MUC4: variants seen among roughly 807,000 people sequenced by gnomAD.
MUC4 encodes mucin-4.
A neutral mutation model predicts 257.9 loss-of-function variants in MUC4; 202 were observed. The observed-to-expected ratio is 0.78, with a 90% CI of 0.70 to 0.88. MUC4 has a LOEUF of 0.88. Among genes scored for constraint, MUC4 ranks in the 40% least tolerant of loss-of-function variants. The probability of loss-of-function intolerance (pLI) is 0.00; values close to 1 mark genes in which losing one functional copy is unlikely to be tolerated. For synonymous variants in MUC4, 2,351 were observed against 2,757.1 expected, an observed-to-expected ratio of 0.85 and a Z score of 4.62; for missense variants, 5,976 against 6,513.7, an observed-to-expected ratio of 0.92 and a Z score of 2.84.
Position 195,766,708 on chromosome 3 carries a change from C to T in MUC4, c.13573G>A (p.Val4525Met). ...FENSPLMSQPVWERYRPDRFL... is the reference protein window; with the variant it reads ...FENSPLMSQPMWERYRPDRFL... ...CTATCAGGGCGATACCTCTCCCACACTGGCTGGGACATCAGTGGGCTGTTT... is the reference window on the plus strand; with the variant it reads ...CTATCAGGGCGATACCTCTCCCACATTGGCTGGGACATCAGTGGGCTGTTT... The change falls in exon 8 of 25, where the codon GTG becomes ATG. Residue 4525 changes from valine to methionine, a missense_variant. Val to Met is a conservative substitution (Grantham distance 21). Around this residue, in one of 44 missense-constraint regions of MUC4, gnomAD observed 996 missense variants for 1,137.3 expected, o/e 0.88. Coordinates refer to ENST00000463781, the MANE Select transcript of MUC4 (RefSeq NM_018406.7). 1.2e-6 allele frequency: 2 copies of T among 1,614,206 alleles called. No homozygotes were observed. Among genetic ancestry groups the T allele is most frequent in the East Asian group, 2.2e-5 (1 of 44,884 alleles).
Position 195,788,125 on chromosome 3 carries a change from G to T in MUC4, c.3455C>A (p.Pro1152His). ...TSSVSTGHTT[P>H]LHVTDASSAS... is the part of the protein sequence containing the mutation. ...TGAGGAAGCATCAGTGACATGAAGA[G>T]GGGTGGTGTGACCTGTGGATACTGA... Residue 1152 changes from proline to histidine, a missense_variant, in exon 2 of 25, where the codon CCT (proline) becomes CAT (histidine). By Grantham distance (77) the Pro-to-His change is moderately conservative. Around this residue, in one of 44 missense-constraint regions of MUC4, gnomAD observed 90 missense variants for 106.2 expected, o/e 0.85. Coordinates refer to ENST00000463781, the MANE Select transcript of MUC4 (RefSeq NM_018406.7). The T allele has an allele frequency of 6.7e-7, 1 of 1,498,696 alleles. No individual in the cohort carries two copies. The highest frequency in any genetic ancestry group is 8.9e-7 in the Non-Finnish European group (1 of 1,118,006). The allele number at this position is 1,498,696 out of a possible 1,614,324, so 92.8% of individuals were successfully genotyped here.
At position 195,757,916 on chromosome 3, in the gene MUC4, C is replaced by T. The variant is rs1486697533; in HGVS notation, c.14987-588G>A. ...ACAGAGAATAGACGAACGTAATTTC[C>T]AGACCATCGTCCTTCAGGGGTGGGG... On this transcript the variant is annotated intron_variant, in intron 17 of 24. Coordinates refer to ENST00000463781, the MANE Select transcript of MUC4 (RefSeq NM_018406.7). This position sits in a 1 kb window ranked among gnomAD's most constrained non-coding sequence, Gnocchi z 4.8. Among the ~76,000 whole-genome samples the T allele has an allele frequency of 3.3e-5, 5 of 152,186 alleles. No individual in the cohort carries two copies. In the East Asian group the frequency reaches 7.7e-4, roughly 23 times the overall value.
intron 22 of MUC4, 22 bp downstream of exon 22, chr3:195,751,176 TGGGGGCTTA>T: frequency 6.7e-7 from 1 of 1,498,288 alleles, no homozygotes; most frequent in Non-Finnish European, 9.0e-7. Flanking sequence ...GGAAGAGATC[TGGGGGCTTA>T]GGGGGACACA....
intron 1 of MUC4, among the ~76,000 whole-genome samples, chr3:195,807,142 G>A (rs3096336): frequency 0.54 from 82,794 of 152,040 alleles, 23,681 homozygotes; most frequent in East Asian, 0.76. Context: ...CTTCTTCAGA[G>A]TCTCCAGGAA....
chr3:195,792,061 C>G (rs1396060190), intron 1 of MUC4, among the ~76,000 whole-genome samples: 2 of 152,186 alleles, frequency 1.3e-5, no homozygotes, highest in Admixed American at 6.5e-5. Flanking sequence ...CAATACCATT[C>G]AGGACATAGA....
At position 195,757,259 on chromosome 3, in the gene MUC4, G is replaced by A. The variant is rs1233001655; in HGVS notation, c.15056C>T (p.Ala5019Val). The A allele has an allele frequency of 6.2e-7, 1 of 1,613,350 alleles. No individual in the cohort carries two copies. Among genetic ancestry groups the A allele is most frequent in the Non-Finnish European group, 8.5e-7 (1 of 1,179,422 alleles). Residue 5019 changes from alanine to valine, a missense_variant, in exon 18 of 25, where the codon GCC becomes GTC. This residue lies in a region of MUC4 where 996 missense variants were observed against 1,137.3 expected (regional missense o/e 0.88). Transcript: ENST00000463781. This position sits in a 1 kb window ranked among gnomAD's most constrained non-coding sequence, Gnocchi z 4.8. ...GAGTGCAGATGCCAAGCCAATCTTG[G>A]CACTTCTTGCTAGAATCTCCAGAGT... ...PFTLEILARS[A>V]KIGLASALQP...
chr3:195,764,845 G>T, intron 10 of MUC4, 152 bp downstream of exon 10: 1 of 1,128,752 alleles, frequency 8.9e-7, no homozygotes. Context: ...ATGTCCGCTG[G>T]TGGGGATGTT....
chr3:195,772,475 G>C (rs1166258076), intron 4 of MUC4, among the ~76,000 whole-genome samples: 1 of 130,934 alleles, frequency 7.6e-6, no homozygotes, highest in African/African-American at 3.1e-5. Flanking sequence ...TCTCTCCATC[G>C]CTCAGGGGTG....
In MUC4 at chr3:195,786,220, G is replaced by T; in HGVS notation, c.5360C>A (p.Thr1787Lys). The T allele has an allele frequency of 1.4e-6, 2 of 1,478,770 alleles. No homozygotes were observed. Among genetic ancestry groups the T allele is most frequent in the Non-Finnish European group, 1.8e-6 (2 of 1,098,322 alleles). 91.6% of individuals were successfully genotyped at this position (1,478,770 alleles called of 1,614,324 possible). A position where few individuals can be genotyped will look rare whatever the true frequency, so the allele number is the denominator to read the frequency against. ...GACAGGAAGACGGGTGGTGTCATCT[G>T]TGGAAGCTGAAGAAAGGCCGGTGAC... Reference protein sequence around the residue: ...LPVTGLSSASTDDTTRLPVTD... With the variant: ...LPVTGLSSASKDDTTRLPVTD... The change falls in exon 2 of 25, where the codon ACA becomes AAA. Residue 1787 changes from threonine to lysine, a missense_variant. Thr to Lys is a moderately conservative substitution (Grantham distance 78). Around this residue, in one of 44 missense-constraint regions of MUC4, gnomAD observed 19 missense variants for 31.6 expected, o/e 0.60. Transcript: ENST00000463781.
chr3:195,811,611 G>T, intron 1 of MUC4, 125 bp downstream of exon 1: 42 of 704,154 alleles, frequency 6.0e-5, no homozygotes, highest in South Asian at 2.4e-4. Context: ...CTTCCTCTTC[G>T]CTGTCTCCCT....
intron 13 of MUC4, 106 bp downstream of exon 13, chr3:195,762,749 C>T: frequency 9.2e-7 from 1 of 1,083,564 alleles, no homozygotes; most frequent in Non-Finnish European, 1.2e-6. Context: ...CCACAACGCA[C>T]CCGGCCCTGC....
At chr3:195,775,544 GTCATACCTTCCACACCCATACCTTCCACA>G (rs1560284165) in intron 3 of MUC4, among the ~76,000 whole-genome samples, 4 of 40,774 alleles carry the variant, frequency 9.8e-5, no homozygotes, top group African/African-American at 2.9e-4. Flanking sequence ...ACCTTCCACA[GTCATACCTTCCACACCCATACCTTCCACA>G]CCCATACCTT....
Position 195,789,284 on chromosome 3 carries a change from T to C in MUC4, c.2296A>G (p.Thr766Ala), listed in dbSNP as rs1733544202. ...TGGGTATGGGTCATGGCTGCTGCTGTGTCAGGTGAGGTGCTGGCAGAGGCT... is the reference window on the plus strand; with the variant it reads ...TGGGTATGGGTCATGGCTGCTGCTGCGTCAGGTGAGGTGCTGGCAGAGGCT... Reference protein sequence around the residue: ...TSASASTSPDTAAAMTHTHQA... With the variant: ...TSASASTSPDAAAAMTHTHQA... The change falls in exon 2 of 25, where the codon ACA (threonine) becomes GCA (alanine). Residue 766 changes from threonine to alanine, a missense_variant. Coordinates refer to ENST00000463781, the MANE Select transcript of MUC4 (RefSeq NM_018406.7). The C allele has an allele frequency of 6.2e-7, 1 of 1,613,856 alleles. No homozygotes were observed. Among genetic ancestry groups the C allele is most frequent in the Non-Finnish European group, 8.5e-7 (1 of 1,179,842 alleles).
rs772959197 is a variant in MUC4, at chr3:195,788,944, G to A, written c.2636C>T (p.Ala879Val). ...PGTFHPTLSEASTAGRPTGQS... is the reference protein window; with the variant it reads ...PGTFHPTLSEVSTAGRPTGQS... ...TCCTGTCGGTCTCCCTGCAGTGGAG[G>A]CCTCAGAGAGGGTGGGATGAAAGGT... Residue 879 changes from alanine (A) to valine (V), a missense_variant, in exon 2 of 25, where the codon GCC (alanine) becomes GTC (valine). Transcript: ENST00000463781. The A allele has an allele frequency of 6.2e-6, 10 of 1,613,472 alleles. No homozygotes were observed. The highest frequency in any genetic ancestry group is 8.5e-6 in the Non-Finnish European group (10 of 1,179,702).
At chr3:195,799,245 G>GTGTGTGTGTGTT (rs1043729369) in intron 1 of MUC4, among the ~76,000 whole-genome samples, 2 of 120,594 alleles carry the variant, frequency 1.7e-5, no homozygotes, top group African/African-American at 5.2e-5. Flanking sequence ...GTGTGTGTGT[G>GTGTGTGTGTGTT]TGTGTGTGTG....
Position 195,780,758 on chromosome 3 carries a change from A to T in MUC4, c.10822T>A (p.Ser3608Thr). 1 of 1,481,986 alleles carries T rather than the reference A, an allele frequency of 6.7e-7. No homozygotes were observed. The allele number at this position is 1,481,986 out of a possible 1,614,324, so 91.8% of individuals were successfully genotyped here. ...CGGGTGGTGTCACCTGTGGATGCTG[A>T]GGAAGTGTCGGTGACAGGAAGAGGG... is the stretch of plus-strand genomic sequence containing the variant. ...ATPLPVTDTS[S>T]ASTGDTTRLP... Residue 3608 changes from serine (S) to threonine (T), a missense_variant, in exon 2 of 25, where the codon TCA (serine) becomes ACA (threonine). Transcript: ENST00000463781.
At chr3:195,760,746 G>T in intron 16 of MUC4, 138 bp downstream of exon 16, 1 of 734,088 alleles carries the variant, frequency 1.4e-6, no homozygotes. Flanking sequence ...TCTCTGAAGG[G>T]TTTGAGCAGA....
chr3:195,757,096 A>G lies in MUC4; in HGVS notation c.15168+51T>C, dbSNP rs779711379. On this transcript the variant is annotated intron_variant, in intron 18 of 24. Coordinates refer to ENST00000463781, the MANE Select transcript of MUC4 (RefSeq NM_018406.7). This position sits in a 1 kb window ranked among gnomAD's most constrained non-coding sequence, Gnocchi z 4.8. ...GAATCACAGCATCCATTCCACTCCC[A>G]TTTCCTCTCCCCTCGGCACAGAAAC... 1 of 1,546,330 alleles carries G rather than the reference A, an allele frequency of 6.5e-7. No individual in the cohort carries two copies. Among genetic ancestry groups the G allele is most frequent in the Non-Finnish European group, 8.8e-7 (1 of 1,133,740 alleles).
chr3:195,762,111 G>A lies in MUC4; in HGVS notation c.14488C>T (p.Gln4830Ter). The change falls in exon 14 of 25, where the codon CAG (glutamine) becomes TAG (stop). Residue 4830 changes from glutamine (Q) to a stop codon, truncating the protein, a stop_gained. Transcript: ENST00000463781. LOFTEE classifies it high-confidence loss of function. ...HASASLPPEY[Q>*]NRTEGLLGVW... ...CCCAGGAGCCCCTCCGTGCGGTTCT[G>A]GTACTCGGGCGGGAGGCTGGCGGAG... The A allele has an allele frequency of 6.2e-7, 1 of 1,605,612 alleles. No homozygotes were observed.
Sources: gnomAD v4.1 joint callset for allele counts (sites outside exome capture counted in the v4.1 genomes callset) on GRCh38, gnomAD v4.1.1 for gene constraint, gnomAD v4.1.1 regional missense constraint, Gnocchi (gnomAD v3.1) non-coding constraint, MANE v1.5 for transcripts, NCBI Gene and HGNC (gene_info 2026-07-23, HGNC 2026-07-21) for gene names.